Variants in CSMD1 observed in about 807,000 individuals in gnomAD.
CSMD1 encodes the protein CUB and Sushi multiple domains 1, also known as CUB and sushi domain-containing protein 1.
A neutral mutation model predicts 417.5 loss-of-function variants in CSMD1; 213 were observed. The observed-to-expected ratio is 0.51, with a 90% CI of 0.46 to 0.57. The LOEUF (loss-of-function observed/expected upper bound fraction) is 0.57. Ranked by LOEUF, CSMD1 falls within the 20% of genes least tolerant of loss-of-function variation. The pLI, the probability that CSMD1 is intolerant of heterozygous loss-of-function variation, is 0.00. For synonymous variants in CSMD1, 2,862 were observed against 1,736.8 expected (o/e 1.65, Z -16.11); for missense variants, 6,923 against 4,529.7 (o/e 1.53, Z -15.17).
intron 5 of CSMD1, among the ~76,000 whole-genome samples, chr8:3,932,925 A>T (rs76576851): frequency 1.3e-5 from 2 of 150,394 alleles, no homozygotes; most frequent in African/African-American, 4.9e-5. Context: ...TAGTAAAGTA[A>T]CTAAATCTTT....
At chr8:3,927,427 G>A (rs1266730256) in intron 5 of CSMD1, among the ~76,000 whole-genome samples, 1 of 151,932 alleles carries the variant, frequency 6.6e-6, no homozygotes, top group Non-Finnish European at 1.5e-5. Flanking sequence ...AACACTTTGT[G>A]GTGCCGAGGC....
chr8:4,632,947 G>C (rs560489240), intron 2 of CSMD1, among the ~76,000 whole-genome samples: 1 of 152,188 alleles, frequency 6.6e-6, no homozygotes, highest in African/African-American at 2.4e-5. Flanking sequence ...CTTTTCAGGG[G>C]ACAAACGGGA....
At chr8:3,847,055 T>G (rs552434951) in intron 5 of CSMD1, among the ~76,000 whole-genome samples, 10 of 152,238 alleles carry the variant, frequency 6.6e-5, no homozygotes, top group African/African-American at 2.4e-4. Context: ...GTCTCAGGTT[T>G]AGAAGCCCTT....
At chr8:4,421,728 A>G (rs1475741715) in intron 2 of CSMD1, among the ~76,000 whole-genome samples, 1 of 151,990 alleles carries the variant, frequency 6.6e-6, no homozygotes, top group Non-Finnish European at 1.5e-5. Context: ...CACAGCTTAG[A>G]AAAACTCCCA....
chr8:4,664,533 C>A (rs1371240615), intron 1 of CSMD1, among the ~76,000 whole-genome samples: 2 of 151,978 alleles, frequency 1.3e-5, no homozygotes, highest in Non-Finnish European at 2.9e-5. Flanking sequence ...TGCATTCCAC[C>A]CTCGGCAATA....
intron 8 of CSMD1, among the ~76,000 whole-genome samples, chr8:3,592,232 T>C (rs2469363): frequency 2.0e-5 from 3 of 151,862 alleles, no homozygotes; most frequent in Non-Finnish European, 4.4e-5. Flanking sequence ...GATAGATACA[T>C]AGATGGATAG....
intron 37 of CSMD1, among the ~76,000 whole-genome samples, chr8:3,173,489 G>A (rs1301480866): frequency 6.6e-6 from 1 of 152,198 alleles, no homozygotes; most frequent in African/African-American, 2.4e-5. Context: ...AAACTGTGAA[G>A]TTGAAGGTGG....
At chr8:3,574,709 T>G (rs556839199) in intron 10 of CSMD1, among the ~76,000 whole-genome samples, 1 of 152,232 alleles carries the variant, frequency 6.6e-6, no homozygotes, top group Non-Finnish European at 1.5e-5. Context: ...AGGAGGAATG[T>G]AGACTTTCTC....
intron 3 of CSMD1, among the ~76,000 whole-genome samples, chr8:4,278,012 G>T (rs1164764234): frequency 1.3e-5 from 2 of 152,218 alleles, no homozygotes; most frequent in South Asian, 4.2e-4. Flanking sequence ...CTCCCAAAGT[G>T]CTGGGATTAC....
intron 1 of CSMD1, among the ~76,000 whole-genome samples, chr8:4,646,514 G>C (rs1056410630): frequency 1.3e-5 from 2 of 152,138 alleles, no homozygotes; most frequent in Admixed American, 6.5e-5. Context: ...ACTATAGGAT[G>C]GATTCAGCAT....
At chr8:4,015,880 C>A (rs1315697955) in intron 4 of CSMD1, among the ~76,000 whole-genome samples, 1 of 152,146 alleles carries the variant, frequency 6.6e-6, no homozygotes, top group Non-Finnish European at 1.5e-5. Context: ...GTTTACATCT[C>A]ATGCTTCCAA....
At chr8:4,712,448 C>A (rs1738312081) in intron 1 of CSMD1, among the ~76,000 whole-genome samples, 1 of 152,182 alleles carries the variant, frequency 6.6e-6, no homozygotes, top group African/African-American at 2.4e-5. Context: ...ACTCTGAACC[C>A]TTCTCACAAT....
intron 2 of CSMD1, among the ~76,000 whole-genome samples, chr8:4,432,040 G>T (rs75551595): frequency 6.6e-6 from 1 of 151,968 alleles, no homozygotes; most frequent in African/African-American, 2.4e-5. Context: ...TGTGTAAGGA[G>T]ATTTGGTAGT....
intron 5 of CSMD1, among the ~76,000 whole-genome samples, chr8:3,950,247 G>A (rs1316736770): frequency 6.6e-6 from 1 of 152,130 alleles, no homozygotes; most frequent in Non-Finnish European, 1.5e-5. Context: ...TTATGATGAT[G>A]AATTAGTAGT....
At chr8:3,284,704 T>C (rs1229343620) in intron 25 of CSMD1, 1 of 238,472 alleles carries the variant, frequency 4.2e-6, no homozygotes, top group Non-Finnish European at 8.4e-6. Flanking sequence ...TTGACAGATG[T>C]GTTTGAAGCA....
At chr8:4,968,084 T>G (rs996297691) in intron 1 of CSMD1, among the ~76,000 whole-genome samples, 2 of 152,154 alleles carry the variant, frequency 1.3e-5, no homozygotes, top group Non-Finnish European at 2.9e-5. Flanking sequence ...AAATATAATT[T>G]GTTTCATGAT....
At chr8:3,923,053 T>C (rs1254603346) in intron 5 of CSMD1, among the ~76,000 whole-genome samples, 3 of 152,182 alleles carry the variant, frequency 2.0e-5, no homozygotes, top group Admixed American at 2.0e-4. Context: ...AAAAACAAGT[T>C]GACCCTTTTG....
chr8:4,729,101 C>T (rs1809679918), intron 1 of CSMD1, among the ~76,000 whole-genome samples: 1 of 152,034 alleles, frequency 6.6e-6, no homozygotes, highest in Non-Finnish European at 1.5e-5. Context: ...AAATTATTTC[C>T]ATATCTGAAA....
intron 5 of CSMD1, among the ~76,000 whole-genome samples, chr8:3,815,287 G>A (rs1240091813): frequency 5.9e-5 from 9 of 152,088 alleles, no homozygotes; most frequent in Non-Finnish European, 2.9e-5. Flanking sequence ...ACAGAAGAAA[G>A]AATAACCAAT....
Sources: gnomAD v4.1 joint callset for allele counts (sites outside exome capture counted in the v4.1 genomes callset) on GRCh38, gnomAD v4.1.1 for gene constraint, MANE v1.5 for transcripts, NCBI Gene and HGNC (gene_info 2026-07-23, HGNC 2026-07-21) for gene names.